Variants in BRWD3 observed in about 807,000 individuals in gnomAD.
The protein encoded by BRWD3 is bromodomain and WD repeat domain containing 3.
BRWD3 carries 10 observed loss-of-function variants against 149.7 expected under a neutral mutation model. The ratio of observed to expected loss-of-function variants is 0.07; its 90% CI spans 0.04 to 0.11. BRWD3 has a LOEUF of 0.11. BRWD3 is among the 10% of genes least tolerant of loss of function. The pLI is 1.00. For synonymous variants in BRWD3, 504 were observed against 456.7 expected (o/e 1.10, Z -1.32); for missense variants, 940 against 1,373.2 (o/e 0.68, Z 4.99).
chrX:80,734,853 T>A (rs2073381539), intron 10 of BRWD3, among the ~76,000 whole-genome samples: 1 of 110,706 alleles, frequency 9.0e-6, no homozygotes, highest in Admixed American at 9.6e-5. Context: ...GGCAGTAAAC[T>A]TTTTTGTTAG....
At chrX:80,744,480 A>G (rs761819686) in intron 7 of BRWD3, among the ~76,000 whole-genome samples, 1 of 112,491 alleles carries the variant, frequency 8.9e-6, no homozygotes, top group East Asian at 2.8e-4. Flanking sequence ...AGAACTTTTC[A>G]AAATTACCAC....
In BRWD3 at chrX:80,717,614, G is replaced by A. The variant is rs1358492059; in HGVS notation, c.2190C>T (p.Ser730=). The A allele has an allele frequency of 5.0e-6, 6 of 1,209,502 alleles. No individual in the cohort carries two copies. The highest frequency in any genetic ancestry group is 5.6e-6 in the Non-Finnish European group (5 of 894,966). Residue 730 remains serine, a synonymous_variant, in exon 19 of 41, where the codon AGC becomes AGT. Transcript: ENST00000373275. Reference sequence around the variant, plus strand: ...TTAGTTCATTGACCACCACTCTTCTGCTCCACGCCATGAGATCTCTTTCAG... The same window carrying A: ...TTAGTTCATTGACCACCACTCTTCTACTCCACGCCATGAGATCTCTTTCAG... The part of the protein sequence containing the change: ...MATERDLMAW[S]RRVVVNELNN...
intron 8 of BRWD3, among the ~76,000 whole-genome samples, chrX:80,741,069 C>T (rs2073486064): frequency 9.1e-6 from 1 of 110,314 alleles, no homozygotes; most frequent in Admixed American, 9.7e-5. Context: ...CCTCCCCCAC[C>T]CCACAACAGG....
intron 6 of BRWD3, among the ~76,000 whole-genome samples, chrX:80,782,939 G>C (rs2074070538): frequency 9.2e-6 from 1 of 108,603 alleles, no homozygotes; most frequent in Non-Finnish European, 1.9e-5. Flanking sequence ...TGTAAAAGGA[G>C]CTCAAACAAC....
intron 6 of BRWD3, among the ~76,000 whole-genome samples, chrX:80,753,272 G>GTT (rs200981902): frequency 1.7e-4 from 15 of 90,493 alleles, no homozygotes; most frequent in Admixed American, 3.6e-4. Context: ...GTGCTTTTCA[G>GTT]TTTTTTTTTT....
intron 6 of BRWD3, among the ~76,000 whole-genome samples, chrX:80,763,343 A>G (rs778617181): frequency 1.8e-5 from 2 of 111,655 alleles, no homozygotes; most frequent in East Asian, 2.8e-4. Flanking sequence ...AAAATGAGAG[A>G]AAAATGAAAA....
intron 6 of BRWD3, among the ~76,000 whole-genome samples, chrX:80,752,266 G>A (rs925246826): frequency 9.1e-6 from 1 of 110,450 alleles, no homozygotes; most frequent in African/African-American, 3.3e-5. Context: ...CTTTCACGTT[G>A]GCCTTCCAAA....
At position 80,670,833 on chromosome X, in the gene BRWD3, T is replaced by G. The variant is rs2147660754; in HGVS notation, c.*5776A>C. On this transcript the variant is annotated 3_prime_UTR_variant, in exon 41 of 41. Coordinates refer to ENST00000373275, the MANE Select transcript of BRWD3 (RefSeq NM_153252.5). ...ACTTATCTCCACTTCAATCTCTGAA[T>G]ATTGTAAAAAATCAGTCTACTTTTT... 1 of 111,885 alleles carries G rather than the reference T, an allele frequency of 8.9e-6. No individual in the cohort carries two copies. The highest frequency in any genetic ancestry group is 3.7e-4 in the South Asian group (1 of 2,702). 9.2% of individuals were successfully genotyped at this position (111,885 alleles called of 1,213,427 possible).
intron 8 of BRWD3, among the ~76,000 whole-genome samples, chrX:80,742,409 T>TTTAAA (rs2073526550): frequency 1.2e-5 from 1 of 84,411 alleles, no homozygotes. Context: ...TTTTTGGTTC[T>TTTAAA]GTAGTTTTTT....
intron 20 of BRWD3, among the ~76,000 whole-genome samples, chrX:80,713,066 T>TG (rs1258697120): frequency 5.3e-4 from 55 of 103,667 alleles, no homozygotes; most frequent in Non-Finnish European, 7.7e-4. Context: ...GGGAGGGAGT[T>TG]GGGGGGGTCA....
chrX:80,714,880 G>C (rs1413871927), intron 20 of BRWD3, among the ~76,000 whole-genome samples: 1 of 112,093 alleles, frequency 8.9e-6, no homozygotes, highest in African/African-American at 3.2e-5. Flanking sequence ...GTTGTAACAA[G>C]AATTGGCAGT....
intron 40 of BRWD3, among the ~76,000 whole-genome samples, chrX:80,680,638 C>A (rs2072431148): frequency 9.0e-6 from 1 of 110,921 alleles, no homozygotes; most frequent in African/African-American, 3.3e-5. Context: ...ATTTCTCAGC[C>A]CAGACTCATA....
At chrX:80,743,739 G>A in intron 8 of BRWD3, 1 of 260,207 alleles carries the variant, frequency 3.8e-6, no homozygotes, top group South Asian at 9.5e-5. Context: ...TAATAGGAAA[G>A]AGTGTGCTCT....
At chrX:80,699,095 A>C (rs990191847) in intron 25 of BRWD3, among the ~76,000 whole-genome samples, 2 of 109,555 alleles carry the variant, frequency 1.8e-5, no homozygotes. Context: ...TGTACCTGCG[A>C]TCCCAGCTAC....
intron 24 of BRWD3, among the ~76,000 whole-genome samples, chrX:80,700,575 A>G (rs1198661214): frequency 2.9e-5 from 3 of 104,689 alleles, no homozygotes; most frequent in Non-Finnish European, 5.9e-5. Flanking sequence ...CATCTCTAAT[A>G]AAAATACAAA....
At chrX:80,693,509 G>A (rs2072640079) in intron 27 of BRWD3, among the ~76,000 whole-genome samples, 1 of 111,958 alleles carries the variant, frequency 8.9e-6, no homozygotes, top group African/African-American at 3.3e-5. Flanking sequence ...CTTGTTTAAT[G>A]GTTTTGACCA....
At chrX:80,770,981 A>C (rs774134615) in intron 6 of BRWD3, among the ~76,000 whole-genome samples, 43 of 111,763 alleles carry the variant, frequency 3.8e-4, no homozygotes, top group Non-Finnish European at 3.8e-5. Context: ...GAGCCAAATC[A>C]TGAGTGAACT....
chrX:80,704,916 T>A, intron 22 of BRWD3, 70 bp from the exon 23 acceptor site: 4 of 1,023,120 alleles, frequency 3.9e-6, no homozygotes, highest in Non-Finnish European at 5.5e-6. Context: ...AATTGAAAGA[T>A]CATTCTGTAA....
Position 80,736,078 on chromosome X carries a change from G to A in BRWD3, c.824C>T (p.Ser275Leu), listed in dbSNP as rs2147778464. ...GAGGTATCTGTTTGTGCCTTTAGTT[G>A]ATGGACAAAACTTAAAAAAAAAAAA... Reference protein sequence around the residue: ...ASITSIQFCPSTKGTNRYLTS... With the variant: ...ASITSIQFCPLTKGTNRYLTS... Residue 275 changes from serine to leucine, a missense_variant, in exon 9 of 41, where the codon TCA (serine) becomes TTA (leucine). By Grantham distance (145) the Ser-to-Leu change is moderately radical. This residue lies in a region of BRWD3 where 209 missense variants were observed against 396.8 expected (regional missense o/e 0.53). Coordinates refer to ENST00000373275, the MANE Select transcript of BRWD3 (RefSeq NM_153252.5). 1 of 1,165,077 alleles carries A rather than the reference G, an allele frequency of 8.6e-7. No individual in the cohort carries two copies. The highest frequency in any genetic ancestry group is 1.2e-6 in the Non-Finnish European group (1 of 863,201).
Sources: allele counts gnomAD v4.1 joint callset (sites outside exome capture counted in the v4.1 genomes callset), GRCh38; gene constraint gnomAD v4.1.1; regional missense constraint gnomAD v4.1.1; transcripts MANE v1.5; gene names NCBI Gene and HGNC (gene_info 2026-07-23, HGNC 2026-07-21).